OVCH1: variants seen among roughly 807,000 people sequenced by gnomAD.
OVCH1 encodes ovochymase-1.
In OVCH1, 139 loss-of-function variants were observed where a neutral mutation model predicts 138.4. The observed-to-expected ratio is 1.00, with a 90% CI of 0.87 to 1.16. The LOEUF (loss-of-function observed/expected upper bound fraction) is 1.16, where lower values mean the gene tolerates loss of function less well. Among genes scored for constraint, OVCH1 ranks in the 50% most tolerant of loss-of-function variants. The pLI is 0.00. For synonymous variants in OVCH1, 453 were observed against 467.8 expected (o/e 0.97, Z 0.41); for missense variants, 1,367 against 1,357.9 (o/e 1.01, Z -0.11).
At chr12:29,490,812 T>C (rs3858549) in intron 5 of OVCH1, among the ~76,000 whole-genome samples, 7,732 of 152,268 alleles carry the variant, frequency 0.051, 236 homozygotes, top group Middle Eastern at 0.1. Context: ...TTAACTATTG[T>C]TGCTATTTCC....
exon 19 of OVCH1, chr12:29,462,003 C>T (rs748595987): frequency 6.2e-7 from 1 of 1,611,432 alleles, no homozygotes; most frequent in Non-Finnish European, 8.5e-7. Context: ...CTTGCTAGGC[C>T]ACCATCTAAT....
Position 29,433,780 on chromosome 12 carries a change from GTTTTC to G in OVCH1, c.3293_3297del (p.Arg1098ThrfsTer11), listed in dbSNP as rs142135172. 1.4e-3 allele frequency: 1,916 copies of G among 1,419,062 alleles called. 21 individuals carry two copies. The African/African-American group carries it at 0.026, about 19-fold the overall frequency. The allele number at this position is 1,419,062 out of a possible 1,614,324, so 87.9% of individuals were successfully genotyped here. A position where few individuals can be genotyped will look rare whatever the true frequency, so the allele number is the denominator to read the frequency against. On this transcript the variant is annotated frameshift_variant, in exon 27 of 28. Coordinates refer to ENST00000318184, the Ensembl canonical transcript of OVCH1. LOFTEE classifies it high-confidence loss of function. Reference sequence around the variant, plus strand: ...CTTAAATTTGATGCAAATTTCTTCTGTTTTCTTTTTCCAACACTTCTTACATTATC... The same window carrying G: ...CTTAAATTTGATGCAAATTTCTTCTGTTTTTCCAACACTTCTTACATTATC...
exon 20 of OVCH1, chr12:29,455,381 A>C: frequency 6.2e-7 from 1 of 1,611,670 alleles, no homozygotes. Context: ...TCATGTCTAC[A>C]TACTAGTGGC....
In OVCH1 at chr12:29,468,256, T is replaced by TA. The variant is rs1260994599; in HGVS notation, c.1857-3038dup. ...GAGGGTAGTTTAAGCTCTTGCTTGA[T>TA]AACCTTCTCTAACTGCCTTTTTCCC... On this transcript the variant is annotated intron_variant, in intron 16 of 27. Transcript: ENST00000318184. 2.0e-5 allele frequency among the ~76,000 whole-genome samples: 3 copies of TA among 152,198 alleles called. No individual in the cohort carries two copies. The East Asian group carries it at 5.8e-4, about 29-fold the overall frequency.
intron 16 of OVCH1, among the ~76,000 whole-genome samples, chr12:29,467,635 T>C (rs1170864303): frequency 6.6e-6 from 1 of 152,170 alleles, no homozygotes; most frequent in East Asian, 1.9e-4. Flanking sequence ...AGTAGCTGAT[T>C]TAAATTTTAG....
chr12:29,406,959 C>T, the OVCH1 span, among the ~76,000 whole-genome samples: 2,294 of 146,864 alleles, frequency 0.016, 25 homozygotes, highest in Middle Eastern at 0.021. Context: ...ACATCCTCTC[C>T]AGCACCTGTT....
chr12:29,497,486 C>G, intron 1 of OVCH1, 137 bp downstream of exon 1: 1 of 998,420 alleles, frequency 1.0e-6, no homozygotes, highest in Non-Finnish European at 1.5e-6. Context: ...CATGCACCAC[C>G]CCCTCACCCT....
chr12:29,473,719 T>G (rs1942595787), intron 14 of OVCH1, among the ~76,000 whole-genome samples: 1 of 152,134 alleles, frequency 6.6e-6, no homozygotes, highest in Non-Finnish European at 1.5e-5. Context: ...TCAACTTGAT[T>G]GGATTGAGGG....
chr12:29,455,147 C>T (rs1428466441), intron 20 of OVCH1, 102 bp downstream of exon 20: 1 of 1,374,552 alleles, frequency 7.3e-7, no homozygotes, highest in African/African-American at 1.5e-5. Context: ...AAATTCTACT[C>T]TATGGTTTTC....
chr12:29,457,614 A>G (rs536693156), intron 19 of OVCH1, among the ~76,000 whole-genome samples: 3 of 152,026 alleles, frequency 2.0e-5, no homozygotes, highest in East Asian at 3.9e-4. Flanking sequence ...CATGTTGGCC[A>G]GGATGGTCTC....
intron 27 of OVCH1, chr12:29,430,940 G>A (rs1045021406): frequency 5.8e-6 from 3 of 515,864 alleles, no homozygotes; most frequent in African/African-American, 5.8e-5. Flanking sequence ...TGTGAGTCCA[G>A]GCAGAAACGG....
At chr12:29,449,276 TACACACACACACACAC>T (rs10651165) in intron 22 of OVCH1, among the ~76,000 whole-genome samples, 57 of 137,436 alleles carry the variant, frequency 4.1e-4, no homozygotes, top group Middle Eastern at 3.6e-3. Flanking sequence ...CCCCCCTCCC[TACACACACACACACAC>T]ACACACACAC....
intron 22 of OVCH1, among the ~76,000 whole-genome samples, chr12:29,446,542 C>A (rs1941620849): frequency 6.6e-6 from 1 of 151,988 alleles, no homozygotes; most frequent in Non-Finnish European, 1.5e-5. Flanking sequence ...AACAATTCCA[C>A]AAAGTTCAAG....
At chr12:29,443,374 T>C (rs779414768) in exon 25 of OVCH1, 1 of 1,609,922 alleles carries the variant, frequency 6.2e-7, no homozygotes, top group Non-Finnish European at 8.5e-7. Flanking sequence ...TTAATTTTTT[T>C]CCTGGTCCAA....
At chr12:29,482,243 A>G (rs930147371) in intron 8 of OVCH1, among the ~76,000 whole-genome samples, 4 of 152,056 alleles carry the variant, frequency 2.6e-5, no homozygotes, top group Non-Finnish European at 5.9e-5. Context: ...CTATTCCCCA[A>G]ATATACCAAG....
At chr12:29,488,671 T>C (rs949376908) in intron 6 of OVCH1, among the ~76,000 whole-genome samples, 3 of 148,250 alleles carry the variant, frequency 2.0e-5, no homozygotes, top group African/African-American at 7.5e-5. Context: ...TTGGCTCTTA[T>C]GCTACAGAAT....
rs1941091773 is a variant in OVCH1 at position 29,420,741 on chromosome 12, C to A, written c.*71+2386G>T. Among the ~76,000 whole-genome samples the A allele has an allele frequency of 2.2e-5, 2 of 92,926 alleles. 1 individual carries two copies. The allele number at this position is 92,926 out of a possible 152,430, so 61.0% of individuals were successfully genotyped here. A position where few individuals can be genotyped will look rare whatever the true frequency, so the allele number is the denominator to read the frequency against. On this transcript the variant is annotated intron_variant and NMD_transcript_variant, in intron 3 of 4. Transcript: ENST00000539117. Reference sequence around the variant, plus strand: ...CCTTGTTAGCCAGGATGGTCTCGATCTCCTGACCTCATGATCCACCCGCCT... The same window carrying A: ...CCTTGTTAGCCAGGATGGTCTCGATATCCTGACCTCATGATCCACCCGCCT...
chr12:29,486,480 C>T, intron 7 of OVCH1, 132 bp from the exon 8 acceptor site: 1 of 707,748 alleles, frequency 1.4e-6, no homozygotes, highest in South Asian at 2.2e-5. Flanking sequence ...GGAATCTTTT[C>T]TCAGAGTCAG....
At chr12:29,402,217 AAAG>A in the OVCH1 span, among the ~76,000 whole-genome samples, 2 of 152,182 alleles carry the variant, frequency 1.3e-5, no homozygotes, top group Non-Finnish European at 2.9e-5. Context: ...CATCTAATAA[AAAG>A]AAGAGATCCA....
Sources: gnomAD v4.1 joint callset for allele counts (sites outside exome capture counted in the v4.1 genomes callset) on GRCh38, gnomAD v4.1.1 for gene constraint, MANE v1.5 for transcripts, NCBI Gene and HGNC (gene_info 2026-07-23, HGNC 2026-07-21) for gene names.